The following PLAC1 variants were observed in gnomAD, a reference collection of about 807,000 sequenced individuals.
PLAC1 encodes placenta-specific protein 1.
For synonymous variants in PLAC1, 68 were observed against 62.1 expected (o/e 1.09, Z -0.44); for missense variants, 136 against 163.2 (o/e 0.83, Z 0.91).
chrX:134,658,097 C>T (rs1021071821), intron 1 of PLAC1, among the ~76,000 whole-genome samples: 3 of 111,994 alleles, frequency 2.7e-5, no homozygotes, highest in Admixed American at 1.9e-4. Context: ...AGTCTAACTG[C>T]CTCCTTCTCA....
intron 2 of PLAC1, among the ~76,000 whole-genome samples, chrX:134,600,178 A>G (rs764059512): frequency 9.1e-6 from 1 of 109,761 alleles, no homozygotes; most frequent in Non-Finnish European, 1.9e-5. Flanking sequence ...GGCATATACC[A>G]CCATGTCTGA....
chrX:134,688,402 C>T (rs2078525562), intron 2 of PLAC1, among the ~76,000 whole-genome samples: 1 of 112,379 alleles, frequency 8.9e-6, no homozygotes, highest in Admixed American at 9.4e-5. Context: ...AGCTGCCATC[C>T]TGCATTAATT....
Position 134,605,892 on chromosome X carries a change from C to T in PLAC1, c.-130-3770G>A. On this transcript the variant is annotated intron_variant, in intron 1 of 2. Transcript: ENST00000359237. ...GTGACTGAAGGCTAAGACAAAGACTCCAGCCTCAAACTTGAGGAAGGAAGT... is the reference window on the plus strand; with the variant it reads ...GTGACTGAAGGCTAAGACAAAGACTTCAGCCTCAAACTTGAGGAAGGAAGT... 1.8e-5 allele frequency: 2 copies of T among 112,063 alleles called. 1 individual carries two copies. The highest frequency in any genetic ancestry group is 8.3e-3 in the Middle Eastern group (2 of 240). 9.2% of individuals were successfully genotyped at this position (112,063 alleles called of 1,213,427 possible).
intron 1 of PLAC1, among the ~76,000 whole-genome samples, chrX:134,632,339 C>T (rs188617979): frequency 8.9e-6 from 1 of 112,371 alleles, no homozygotes; most frequent in East Asian, 2.8e-4. Flanking sequence ...GGACCTACCA[C>T]ACTGCCTCAT....
chrX:134,674,466 C>G lies in PLAC1; in HGVS notation n.174+58969G>C. ...TAGATCCAAATAAGAAAAGTTCACA[C>G]AGGCAATAAAAGAAGGCCAAAGTGA... On this transcript the variant is annotated intron_variant and non_coding_transcript_variant, in intron 2 of 2. Coordinates refer to the PLAC1 transcript ENST00000466797. Among the ~76,000 whole-genome samples, 3 of 112,198 alleles carry G rather than the reference C, an allele frequency of 2.7e-5. 1 individual carries two copies. The South Asian group carries it at 1.1e-3, about 42-fold the overall frequency.
chrX:134,616,233 T>C (rs1326673893), intron 1 of PLAC1, among the ~76,000 whole-genome samples: 1 of 111,598 alleles, frequency 9.0e-6, no homozygotes, highest in African/African-American at 3.3e-5. Context: ...CCTCCCACCT[T>C]GGCTTCCCAA....
chrX:134,744,493 A>G (rs906045382), intron 1 of PLAC1, among the ~76,000 whole-genome samples: 1 of 111,492 alleles, frequency 9.0e-6, no homozygotes, highest in African/African-American at 3.3e-5. Context: ...CTGCTGTAAA[A>G]TGGGAATTAT....
At chrX:134,763,512 C>T (rs1007060156) in intron 1 of PLAC1, among the ~76,000 whole-genome samples, 4 of 111,251 alleles carry the variant, frequency 3.6e-5, no homozygotes, top group African/African-American at 1.3e-4. Flanking sequence ...CTTACCACAC[C>T]TCACAGGAGA....
intron 1 of PLAC1, among the ~76,000 whole-genome samples, chrX:134,746,771 T>C (rs1001975981): frequency 3.6e-5 from 4 of 112,245 alleles, no homozygotes; most frequent in African/African-American, 1.3e-4. Flanking sequence ...TAAACCAATC[T>C]GCACAATTTG....
intron 1 of PLAC1, among the ~76,000 whole-genome samples, chrX:134,757,807 G>A (rs942145916): frequency 9.0e-6 from 1 of 111,012 alleles, no homozygotes; most frequent in African/African-American, 3.3e-5. Context: ...TATGTTCTAT[G>A]TAGTGTTATA....
rs1187487774 is a variant in PLAC1, at chrX:134,613,324, G to C, written c.-130-11202C>G. 4.5e-5 allele frequency among the ~76,000 whole-genome samples: 5 copies of C among 110,813 alleles called. No individual in the cohort carries two copies. The Admixed American group carries it at 4.8e-4, about 11-fold the overall frequency. On this transcript the variant is annotated intron_variant, in intron 1 of 2. Transcript: ENST00000359237. ...CATGACTGACCTGTGAAGGCTGAGA[G>C]AGCATTTTCCCACCTGAAAAGACTC...
chrX:134,739,163 C>T (rs2078710900), intron 1 of PLAC1, among the ~76,000 whole-genome samples: 1 of 111,826 alleles, frequency 8.9e-6, no homozygotes, highest in African/African-American at 3.3e-5. Flanking sequence ...TTCATCTCTT[C>T]CTGGGGAAAC....
intron 2 of PLAC1, among the ~76,000 whole-genome samples, chrX:134,708,303 G>A (rs2078614394): frequency 9.0e-6 from 1 of 111,518 alleles, no homozygotes; most frequent in African/African-American, 3.3e-5. Context: ...CAATAGAAAG[G>A]AGTAACTATT....
upstream of PLAC1, among the ~76,000 whole-genome samples, chrX:134,661,229 T>C (rs927656053): frequency 1.8e-5 from 2 of 111,942 alleles, no homozygotes; most frequent in Non-Finnish European, 3.8e-5. Context: ...CAGGCCGCTA[T>C]GTTATATGCT....
intron 1 of PLAC1, among the ~76,000 whole-genome samples, chrX:134,622,360 C>A (rs1489961932): frequency 9.0e-6 from 1 of 111,309 alleles, no homozygotes. Flanking sequence ...CTCCTCCCCC[C>A]TCCACAGGAA....
intron 2 of PLAC1, among the ~76,000 whole-genome samples, chrX:134,665,615 C>A (rs1304553076): frequency 9.0e-6 from 1 of 111,290 alleles, no homozygotes; most frequent in Non-Finnish European, 1.9e-5. Flanking sequence ...TTTTTACCAA[C>A]CCTGTGGGAT....
rs184737628 is a variant in PLAC1 at position 134,611,082 on chromosome X, G to A, written c.-130-8960C>T. Among the ~76,000 whole-genome samples, 6 of 110,911 alleles carry A rather than the reference G, an allele frequency of 5.4e-5. No homozygotes were observed. In the Admixed American group the frequency reaches 5.8e-4, roughly 11 times the overall value. ...TTTTGTAGAGATGGGGTTTTGCCAT[G>A]TTGCCCAGGGTGGTCTCGAACTCCT... On this transcript the variant is annotated intron_variant, in intron 1 of 2. Coordinates refer to ENST00000359237, the MANE Select transcript of PLAC1 (RefSeq NM_021796.4).
chrX:134,756,903 T>C (rs978477584), intron 1 of PLAC1, among the ~76,000 whole-genome samples: 1 of 111,733 alleles, frequency 8.9e-6, no homozygotes. Context: ...TTCTGGACTT[T>C]CTGCTTTGTT....
At chrX:134,581,968 T>G (rs2077977287) in intron 2 of PLAC1, among the ~76,000 whole-genome samples, 1 of 111,904 alleles carries the variant, frequency 8.9e-6, no homozygotes, top group South Asian at 3.8e-4. Flanking sequence ...ACCCAGGGAT[T>G]AGCATTTTCA....
Sources: gnomAD v4.1 joint callset for allele counts (sites outside exome capture counted in the v4.1 genomes callset) on GRCh38, gnomAD v4.1.1 for gene constraint, MANE v1.5 for transcripts, NCBI Gene and HGNC (gene_info 2026-07-23, HGNC 2026-07-21) for gene names.